Variants in SCLY observed in about 807,000 individuals in gnomAD.
SCLY encodes the protein selenocysteine lyase.
In SCLY, 38 loss-of-function variants were observed where a neutral mutation model predicts 50.1. The ratio of observed to expected loss-of-function variants is 0.76; its 90% CI spans 0.59 to 0.99. The LOEUF (loss-of-function observed/expected upper bound fraction) is 0.99. Ranked by LOEUF, SCLY falls within the 50% of genes least tolerant of loss-of-function variation. The pLI, the probability that SCLY is intolerant of heterozygous loss-of-function variation, is 0.00. For synonymous variants in SCLY, 243 were observed against 249.4 expected (o/e 0.97, Z 0.24); for missense variants, 600 against 620.0 (o/e 0.97, Z 0.34).
At position 238,098,563 on chromosome 2, in the gene SCLY, A is replaced by G. The variant is rs368974659; in HGVS notation, c.*208A>G. 51 of 374,470 alleles carry G rather than the reference A, an allele frequency of 1.4e-4. 3 individuals are homozygous for G. The South Asian group carries it at 1.9e-3, about 14-fold the overall frequency. The allele number at this position is 374,470 out of a possible 1,614,324, so 23.2% of individuals were successfully genotyped here. A position where few individuals can be genotyped will look rare whatever the true frequency, so the allele number is the denominator to read the frequency against. On this transcript the variant is annotated 3_prime_UTR_variant, in exon 12 of 12. Transcript: ENST00000254663. Reference sequence around the variant, plus strand: ...AGGGCCCAGGACACCAACGCCGCATAGGACTGCCCACATGGGACCGCCCAC... The same window carrying G: ...AGGGCCCAGGACACCAACGCCGCATGGGACTGCCCACATGGGACCGCCCAC...
intron 8 of SCLY, chr2:238,091,548 A>T: frequency 3.5e-4 from 116 of 327,034 alleles, no homozygotes; most frequent in South Asian, 1.1e-3. Context: ...CTGCAGGTTC[A>T]CCATTCCCAA....
intron 7 of SCLY, among the ~76,000 whole-genome samples, chr2:238,088,376 C>T (rs1365222629): frequency 1.3e-5 from 2 of 152,180 alleles, no homozygotes; most frequent in East Asian, 1.9e-4. Context: ...GCACAAGAAT[C>T]GATTGAACCT....
chr2:238,095,125 C>A (rs1055898092), intron 10 of SCLY, among the ~76,000 whole-genome samples: 3 of 152,158 alleles, frequency 2.0e-5, no homozygotes, highest in African/African-American at 7.2e-5. Flanking sequence ...ATTGCTTGAA[C>A]CTGGAGGTTG....
intron 4 of SCLY, among the ~76,000 whole-genome samples, chr2:238,076,584 G>A (rs1479230234): frequency 1.3e-4 from 19 of 150,558 alleles, no homozygotes; most frequent in Admixed American, 4.0e-4. Context: ...GCGGAAGGCC[G>A]CAGGGTCCTC....
At position 238,082,514 on chromosome 2, in the gene SCLY, G is replaced by A. The variant is rs545107915; in HGVS notation, c.777+305G>A. On this transcript the variant is annotated intron_variant, in intron 6 of 11. Transcript: ENST00000254663. ...TCAGGGAGAGTAAGGCAGGGGGTTCGGCCAGGCAGCGAGTGTCTCTGCAGC... is the reference window on the plus strand; with the variant it reads ...TCAGGGAGAGTAAGGCAGGGGGTTCAGCCAGGCAGCGAGTGTCTCTGCAGC... 1.2e-3 allele frequency among the ~76,000 whole-genome samples: 185 copies of A among 152,312 alleles called. 1 individual carries two copies. Among genetic ancestry groups the A allele is most frequent in the Non-Finnish European group, 2.2e-3 (151 of 68,030 alleles).
At chr2:238,084,893 C>CAAAAAAAAAAA (rs377025100) in intron 7 of SCLY, among the ~76,000 whole-genome samples, 11 of 107,500 alleles carry the variant, frequency 1.0e-4, no homozygotes, top group East Asian at 2.5e-4. Flanking sequence ...GACTCCATCT[C>CAAAAAAAAAAA]AAAAAAAAAA....
intron 1 of SCLY, among the ~76,000 whole-genome samples, chr2:238,063,337 C>T (rs1240635456): frequency 1.3e-5 from 2 of 151,232 alleles, no homozygotes; most frequent in African/African-American, 2.4e-5. Flanking sequence ...ACAGCAACCT[C>T]TGCCTCCTGG....
intron 1 of SCLY, 104 bp from the exon 2 acceptor site, chr2:238,064,253 C>A: frequency 1.6e-6 from 1 of 621,498 alleles, no homozygotes; most frequent in East Asian, 3.1e-5. Context: ...TCACCATGCC[C>A]TTGACATTAT....
intron 4 of SCLY, among the ~76,000 whole-genome samples, chr2:238,072,258 A>G (rs556049847): frequency 1.6e-4 from 25 of 152,284 alleles, no homozygotes; most frequent in Admixed American, 8.5e-4. Context: ...TTCATTGTCT[A>G]TCTGTACCAC....
Position 238,094,098 on chromosome 2 carries a change from G to A in SCLY, c.1005+154G>A. The A allele has an allele frequency of 4.1e-6, 3 of 731,542 alleles. No homozygotes were observed. The South Asian group carries it at 5.3e-5, about 13-fold the overall frequency. The allele number at this position is 731,542 out of a possible 1,614,324, so 45.3% of individuals were successfully genotyped here. The stretch of plus-strand genomic sequence containing the variant: ...ATGCAGTGAGGGAAGAAAGAACAGT[G>A]GCAGAAAGTACATTGGGATCTGAAA... On this transcript the variant is annotated intron_variant, in intron 9 of 11. Transcript: ENST00000254663.
chr2:238,065,296 A>T (rs763740147), intron 2 of SCLY, among the ~76,000 whole-genome samples: 2 of 152,250 alleles, frequency 1.3e-5, no homozygotes, highest in African/African-American at 4.8e-5. Flanking sequence ...TTGTTGGTCT[A>T]TTCTGGCTAA....
chr2:238,068,808 T>C (rs1031194651), intron 3 of SCLY, among the ~76,000 whole-genome samples: 1 of 152,224 alleles, frequency 6.6e-6, no homozygotes, highest in Non-Finnish European at 1.5e-5. Context: ...ACTTAATAAA[T>C]AACCTTTATA....
intron 7 of SCLY, among the ~76,000 whole-genome samples, chr2:238,089,477 G>A (rs534960326): frequency 9.2e-5 from 14 of 152,282 alleles, no homozygotes; most frequent in South Asian, 6.2e-4. Context: ...TCAACAGATC[G>A]TGCCAAGGCA....
intron 1 of SCLY, chr2:238,061,368 C>A (rs1240237454): frequency 1.4e-6 from 1 of 690,572 alleles, no homozygotes; most frequent in Non-Finnish European, 2.7e-6. Context: ...GGGGCCGAAA[C>A]CCGAGTGACT....
Position 238,098,936 on chromosome 2 carries a change from C to T in SCLY, c.*581C>T. ...TTCCAAAGCTGCCCCCACCACCCTG[C>T]TCCTCTGGCCTCAGTGCACAGTGGC... On this transcript the variant is annotated 3_prime_UTR_variant, in exon 12 of 12. Coordinates refer to ENST00000254663, the MANE Select transcript of SCLY (RefSeq NM_016510.7). 1 of 224,590 alleles carries T rather than the reference C, an allele frequency of 4.5e-6. No individual in the cohort carries two copies. The highest frequency in any genetic ancestry group is 8.8e-6 in the Non-Finnish European group (1 of 113,452). 13.9% of individuals were successfully genotyped at this position (224,590 alleles called of 1,614,324 possible). A position where few individuals can be genotyped will look rare whatever the true frequency, so the allele number is the denominator to read the frequency against.
At chr2:238,094,641 T>A (rs2065406552) in intron 10 of SCLY, 119 bp downstream of exon 10, 1 of 861,940 alleles carries the variant, frequency 1.2e-6, no homozygotes, top group Admixed American at 2.2e-5. Context: ...GCTCGGGCTG[T>A]CAGAGGGCCT....
chr2:238,081,663 G>A, intron 4 of SCLY, 46 bp from the exon 5 acceptor site: 2 of 1,585,652 alleles, frequency 1.3e-6, no homozygotes, highest in Non-Finnish European at 1.7e-6. Flanking sequence ...GTTTTGAGAG[G>A]AATCAATTTG....
chr2:238,096,777 G>A, intron 10 of SCLY, 24 bp from the exon 11 acceptor site: 1 of 1,598,694 alleles, frequency 6.3e-7, no homozygotes, highest in Non-Finnish European at 8.5e-7. Flanking sequence ...CCCCATCTCA[G>A]GGGCATGTGC....
Position 238,064,747 on chromosome 2 carries a change from G to T in SCLY, c.202+278G>T. ...GAAAGGTGTCTACTGAGAGTTCCTT[G>T]AAGTAGCAGTCAGTACCTGTGGAGC... On this transcript the variant is annotated intron_variant, in intron 2 of 11. Transcript: ENST00000254663. 2.1e-5 allele frequency: 5 copies of T among 232,734 alleles called. No homozygotes were observed. The South Asian group carries it at 2.2e-4, about 10-fold the overall frequency. The allele number at this position is 232,734 out of a possible 1,614,324, so 14.4% of individuals were successfully genotyped here.
Sources: gnomAD v4.1 joint callset for allele counts (sites outside exome capture counted in the v4.1 genomes callset) on GRCh38, gnomAD v4.1.1 for gene constraint, MANE v1.5 for transcripts, NCBI Gene and HGNC (gene_info 2026-07-23, HGNC 2026-07-21) for gene names.